The following CES5A variants were observed in gnomAD, a reference collection of about 807,000 sequenced individuals.
The protein encoded by CES5A is carboxylesterase 5A.
Under a neutral mutation model 62.9 loss-of-function variants are expected in CES5A, and 67 were observed. That is an observed-to-expected ratio of 1.07 (90% CI 0.88 to 1.31). The LOEUF is 1.31. Among genes scored for constraint, CES5A ranks in the 50% most tolerant of loss-of-function variants. The probability of loss-of-function intolerance (pLI) is 0.00; values close to 1 mark genes in which losing one functional copy is unlikely to be tolerated. For synonymous variants in CES5A, 296 were observed against 280.8 expected (o/e 1.05, Z -0.54); for missense variants, 748 against 708.5 (o/e 1.06, Z -0.63).
intron 2 of CES5A, among the ~76,000 whole-genome samples, chr16:55,939,491 AT>A (rs1269795293): frequency 6.6e-6 from 1 of 152,178 alleles, no homozygotes; most frequent in Non-Finnish European, 1.5e-5. Flanking sequence ...GTTATGAATT[AT>A]TTTTTCCCCT....
At chr16:55,932,986 G>T (rs866477403) in intron 2 of CES5A, among the ~76,000 whole-genome samples, 2 of 152,234 alleles carry the variant, frequency 1.3e-5, no homozygotes, top group Non-Finnish European at 2.9e-5. Context: ...AAGAAAAATT[G>T]TGTGAAGATA....
intron 2 of CES5A, among the ~76,000 whole-genome samples, chr16:55,872,074 A>G (rs1315343129): frequency 6.6e-6 from 1 of 152,158 alleles, no homozygotes; most frequent in Non-Finnish European, 1.5e-5. Flanking sequence ...ATAGACACAC[A>G]TAACGACCCA....
intron 1 of CES5A, among the ~76,000 whole-genome samples, chr16:55,893,200 T>C (rs2033898862): frequency 6.6e-6 from 1 of 152,160 alleles, no homozygotes; most frequent in Non-Finnish European, 1.5e-5. Flanking sequence ...TTCTACACCT[T>C]TGAGACATTT....
chr16:55,924,383 C>T (rs1171831964), intron 1 of CES5A, among the ~76,000 whole-genome samples: 1 of 151,616 alleles, frequency 6.6e-6, no homozygotes. Flanking sequence ...AAAATCTATA[C>T]AGAAAACTAT....
intron 4 of CES5A, 55 bp downstream of exon 4, chr16:55,869,556 T>C: frequency 1.9e-6 from 3 of 1,596,180 alleles, no homozygotes; most frequent in Non-Finnish European, 2.6e-6. Flanking sequence ...TGTCTATGGC[T>C]ACTGCACTGC....
intron 1 of CES5A, among the ~76,000 whole-genome samples, chr16:55,907,144 AG>A (rs1175570509): frequency 6.6e-6 from 1 of 152,232 alleles, no homozygotes; most frequent in African/African-American, 2.4e-5. Flanking sequence ...CTTTAGGCCA[AG>A]GCCAAGTGAT....
Position 55,891,351 on chromosome 16 carries a change from ATC to A in CES5A, c.-255-17316_-255-17315del, listed in dbSNP as rs538104715. Among the ~76,000 whole-genome samples, 183 of 152,264 alleles carry A rather than the reference ATC, an allele frequency of 1.2e-3. 1 individual carries two copies. Among genetic ancestry groups the A allele is most frequent in the African/African-American group, 4.3e-3 (177 of 41,552 alleles). On this transcript the variant is annotated intron_variant, in intron 1 of 12. Transcript: ENST00000518005. ...TTGCTGAGAAGAAATAAGAAAGAAA[ATC>A]TTACATTCGAGTGCTATTTCTTTTG...
At chr16:55,950,946 C>G (rs1271698108) in intron 1 of CES5A, among the ~76,000 whole-genome samples, 1 of 151,406 alleles carries the variant, frequency 6.6e-6, no homozygotes, top group Non-Finnish European at 1.5e-5. Flanking sequence ...ACTAAAAATA[C>G]AAAAAATTAG....
chr16:55,931,506 G>C lies in CES5A; in HGVS notation c.160+18279C>G, dbSNP rs74986861. ...CCTTAGATGATCTGGCCCTTGCTCT[G>C]TCTCCACCCTATCTCTTGCTATTGC... On this transcript the variant is annotated intron_variant, in intron 2 of 13. Transcript: ENST00000521992. Among the ~76,000 whole-genome samples, 442 of 152,228 alleles carry C rather than the reference G, an allele frequency of 2.9e-3. 10 individuals carry two copies. The highest frequency in any genetic ancestry group is 0.024 in the Admixed American group (368 of 15,296).
At chr16:55,944,067 C>A in intron 2 of CES5A, 2 of 702,124 alleles carry the variant, frequency 2.8e-6, no homozygotes, top group Non-Finnish European at 5.2e-6. Flanking sequence ...GAGAAGTGAC[C>A]AAGACCTCCA....
intron 1 of CES5A, chr16:55,955,722 G>A (rs748466118): frequency 6.9e-5 from 74 of 1,071,516 alleles, no homozygotes; most frequent in Non-Finnish European, 9.1e-5. Context: ...CCTACCGTGG[G>A]GGCTGACCCA....
At chr16:55,956,025 G>T (rs1410277557) in exon 1 of CES5A, 2 of 886,308 alleles carry the variant, frequency 2.3e-6, no homozygotes, top group Non-Finnish European at 3.4e-6. Context: ...CTCTACCGTT[G>T]CCAGCTGGCT....
chr16:55,953,536 C>G (rs1377584908), intron 1 of CES5A, among the ~76,000 whole-genome samples: 3 of 151,852 alleles, frequency 2.0e-5, no homozygotes, highest in Non-Finnish European at 2.9e-5. Context: ...TATTTTATGA[C>G]CCTATTCACA....
intron 1 of CES5A, among the ~76,000 whole-genome samples, chr16:55,882,922 T>C (rs1425997958): frequency 2.0e-5 from 3 of 152,192 alleles, no homozygotes; most frequent in Admixed American, 6.5e-5. Flanking sequence ...AGCGTGATGT[T>C]CTTGGGACAT....
At chr16:55,955,384 G>A (rs1463745371) in intron 1 of CES5A, among the ~76,000 whole-genome samples, 1 of 152,102 alleles carries the variant, frequency 6.6e-6, no homozygotes, top group African/African-American at 2.4e-5. Context: ...CTTTAAAGAT[G>A]CATTTAAATT....
chr16:55,912,449 C>A (rs2034103660), intron 1 of CES5A, among the ~76,000 whole-genome samples: 1 of 151,802 alleles, frequency 6.6e-6, no homozygotes, highest in African/African-American at 2.4e-5. Flanking sequence ...AGGCCAGGCA[C>A]CAAGGGGGTG....
At position 55,869,634 on chromosome 16, in the gene CES5A, C is replaced by A; in HGVS notation, c.528G>T (p.Arg176=). Residue 176 remains arginine, a synonymous_variant, in exon 4 of 13, where the codon CGG becomes CGT. Coordinates refer to ENST00000290567, the MANE Select transcript of CES5A (RefSeq NM_001143685.2). ...EDVLVVVVQY[R]LGIFGFFTTW... ...ACGTGAAGAAACCAAATATTCCTAG[C>A]CGGTACTGGACGACCACAACCAGCA... is the stretch of plus-strand genomic sequence containing the variant. The A allele has an allele frequency of 6.2e-7, 1 of 1,613,886 alleles. No homozygotes were observed. The highest frequency in any genetic ancestry group is 8.5e-7 in the Non-Finnish European group (1 of 1,179,952).
At chr16:55,862,356 A>C (rs2033369525) in intron 6 of CES5A, among the ~76,000 whole-genome samples, 1 of 152,146 alleles carries the variant, frequency 6.6e-6, no homozygotes, top group Non-Finnish European at 1.5e-5. Context: ...ACAGTTGTGG[A>C]ACCGCTTCCC....
intron 2 of CES5A, among the ~76,000 whole-genome samples, chr16:55,872,906 C>A (rs1434411221): frequency 1.3e-5 from 2 of 152,174 alleles, no homozygotes; most frequent in Non-Finnish European, 2.9e-5. Flanking sequence ...TCAACCCCTG[C>A]GGCGTCCCCA....
Sources: allele counts gnomAD v4.1 joint callset (sites outside exome capture counted in the v4.1 genomes callset), GRCh38; gene constraint gnomAD v4.1.1; transcripts MANE v1.5; gene names NCBI Gene and HGNC (gene_info 2026-07-23, HGNC 2026-07-21).